The following NKAIN2 variants were observed in gnomAD, a reference collection of about 807,000 sequenced individuals.
NKAIN2 encodes sodium/potassium-transporting ATPase subunit beta-1-interacting protein 2.
A neutral mutation model predicts 32.6 loss-of-function variants in NKAIN2; 14 were observed. The observed-to-expected ratio is 0.43, with a 90% CI of 0.28 to 0.67. NKAIN2 has a LOEUF of 0.67. Ranked by LOEUF, NKAIN2 falls within the 30% of genes least tolerant of loss-of-function variation. The probability of loss-of-function intolerance (pLI) is 0.17; values close to 1 mark genes in which losing one functional copy is unlikely to be tolerated. For missense variants in NKAIN2, 198 were observed against 258.3 expected, an observed-to-expected ratio of 0.77 and a Z score of 1.60; for synonymous variants, 80 against 87.2, an observed-to-expected ratio of 0.92 and a Z score of 0.46.
At chr6:124,439,077 A>G (rs747316973) in intron 3 of NKAIN2, among the ~76,000 whole-genome samples, 1 of 152,266 alleles carries the variant, frequency 6.6e-6, no homozygotes, top group South Asian at 2.1e-4. Flanking sequence ...AGAATCACAT[A>G]TATAACATTT....
At chr6:124,379,330 G>A (rs1328325946) in intron 3 of NKAIN2, among the ~76,000 whole-genome samples, 1 of 127,942 alleles carries the variant, frequency 7.8e-6, no homozygotes, top group African/African-American at 2.9e-5. Flanking sequence ...AAGAAGGGAG[G>A]AGAGAGGGGA....
At chr6:123,807,462 AC>A (rs1435198443) in intron 1 of NKAIN2, among the ~76,000 whole-genome samples, 1 of 152,138 alleles carries the variant, frequency 6.6e-6, no homozygotes, top group African/African-American at 2.4e-5. Flanking sequence ...TCAGATAGTA[AC>A]AAAAATCATC....
At chr6:124,090,811 G>A (rs1035528776) in intron 1 of NKAIN2, among the ~76,000 whole-genome samples, 1 of 151,834 alleles carries the variant, frequency 6.6e-6, no homozygotes, top group East Asian at 1.9e-4. Flanking sequence ...TTTTATAATC[G>A]TTCAGTGCAT....
intron 1 of NKAIN2, among the ~76,000 whole-genome samples, chr6:123,940,476 A>T (rs1047774701): frequency 2.0e-5 from 3 of 151,978 alleles, no homozygotes; most frequent in African/African-American, 7.2e-5. Flanking sequence ...CATCATAGAG[A>T]GTACTTACAC....
chr6:124,331,117 A>G (rs1797631599), intron 2 of NKAIN2, among the ~76,000 whole-genome samples: 2 of 152,002 alleles, frequency 1.3e-5, no homozygotes, highest in African/African-American at 2.4e-5. Flanking sequence ...TCAAGTACAT[A>G]TTTGGCACCC....
intron 1 of NKAIN2, among the ~76,000 whole-genome samples, chr6:123,933,963 T>C (rs1776385905): frequency 6.6e-6 from 1 of 152,170 alleles, no homozygotes; most frequent in South Asian, 2.1e-4. Flanking sequence ...CATGGGGCTT[T>C]GGGAGATGGC....
At chr6:124,666,165 T>A (rs1258740057) in intron 4 of NKAIN2, among the ~76,000 whole-genome samples, 1 of 152,096 alleles carries the variant, frequency 6.6e-6, no homozygotes, top group African/African-American at 2.4e-5. Flanking sequence ...AAGATAGTAA[T>A]CCAGTAAACA....
intron 2 of NKAIN2, among the ~76,000 whole-genome samples, chr6:124,353,754 C>A (rs1426018690): frequency 1.4e-4 from 21 of 145,592 alleles, no homozygotes; most frequent in Admixed American, 4.1e-4. Flanking sequence ...GACTCCGTCT[C>A]AAAAAAAAAA....
chr6:124,113,875 A>G (rs59014557), intron 1 of NKAIN2, among the ~76,000 whole-genome samples: 7,215 of 152,158 alleles, frequency 0.047, 567 homozygotes, highest in African/African-American at 0.16. Flanking sequence ...TCTTCCATCA[A>G]TTGTGGCTGA....
intron 2 of NKAIN2, among the ~76,000 whole-genome samples, chr6:124,324,696 T>G (rs1406625726): frequency 6.7e-6 from 1 of 150,354 alleles, no homozygotes; most frequent in African/African-American, 2.5e-5. Context: ...AGAATTTTAG[T>G]TGGTATGTTT....
intron 5 of NKAIN2, 56 bp downstream of exon 5, chr6:124,791,455 C>A: frequency 8.4e-7 from 1 of 1,186,646 alleles, no homozygotes; most frequent in Non-Finnish European, 1.2e-6. Flanking sequence ...TCCTTTACTG[C>A]CTCCTACTTA....
chr6:124,551,165 GT>G (rs1340987186), intron 3 of NKAIN2, among the ~76,000 whole-genome samples: 24 of 152,200 alleles, frequency 1.6e-4, no homozygotes, highest in Admixed American at 1.4e-3. Flanking sequence ...ATTTGTCAGT[GT>G]TTTAGTGATG....
rs1274970552 is a variant in NKAIN2, at chr6:124,458,024, GT to G, written c.273+102681del. 3.3e-5 allele frequency among the ~76,000 whole-genome samples: 5 copies of G among 152,000 alleles called. No individual in the cohort carries two copies. The East Asian group carries it at 9.7e-4, about 29-fold the overall frequency. ...TCTTCACAGTGTAAGAAGTATTTAT[GT>G]TTTGAATCCTGATAGCCTCTAAACT... is the stretch of plus-strand genomic sequence containing the variant. On this transcript the variant is annotated intron_variant, in intron 3 of 6. Coordinates refer to ENST00000368417, the MANE Select transcript of NKAIN2 (RefSeq NM_001040214.3).
intron 1 of NKAIN2, among the ~76,000 whole-genome samples, chr6:123,872,387 C>T (rs574730346): frequency 1.3e-5 from 2 of 152,186 alleles, no homozygotes; most frequent in South Asian, 2.1e-4. Flanking sequence ...CAACCGTGTG[C>T]ATTTTAGTCA....
intron 1 of NKAIN2, among the ~76,000 whole-genome samples, chr6:124,176,579 T>C (rs922369924): frequency 6.6e-6 from 1 of 152,174 alleles, no homozygotes; most frequent in African/African-American, 2.4e-5. Flanking sequence ...GTAATGTTTA[T>C]AAACAGTGTT....
At chr6:124,533,723 T>G (rs887587902) in intron 3 of NKAIN2, among the ~76,000 whole-genome samples, 3 of 152,170 alleles carry the variant, frequency 2.0e-5, no homozygotes, top group South Asian at 4.1e-4. Flanking sequence ...TGTCTAGGTA[T>G]GCTTAGGCTG....
chr6:123,932,572 C>G (rs235695), intron 1 of NKAIN2, among the ~76,000 whole-genome samples: 1 of 151,512 alleles, frequency 6.6e-6, no homozygotes, highest in African/African-American at 2.4e-5. Flanking sequence ...GTCCGCCAAC[C>G]TGCCCGGCTA....
chr6:124,441,138 T>A (rs1017327344), intron 3 of NKAIN2, among the ~76,000 whole-genome samples: 2 of 152,080 alleles, frequency 1.3e-5, no homozygotes, highest in Admixed American at 6.6e-5. Context: ...AATCTCATGA[T>A]TCACACACTT....
intron 3 of NKAIN2, among the ~76,000 whole-genome samples, chr6:124,536,418 C>G (rs1779716904): frequency 1.3e-5 from 2 of 152,172 alleles, no homozygotes; most frequent in African/African-American, 4.8e-5. Context: ...TTGTTGTCCA[C>G]TGGATAACCA....
Sources: allele counts gnomAD v4.1 joint callset (sites outside exome capture counted in the v4.1 genomes callset), GRCh38; gene constraint gnomAD v4.1.1; transcripts MANE v1.5; gene names NCBI Gene and HGNC (gene_info 2026-07-23, HGNC 2026-07-21).